The following PKHD1 variants were observed in gnomAD, a reference collection of about 807,000 sequenced individuals.
PKHD1 encodes PKHD1 ciliary IPT domain containing fibrocystin/polyductin.
Under a neutral mutation model 412.0 loss-of-function variants are expected in PKHD1, and 291 were observed. The ratio of observed to expected loss-of-function variants is 0.71; its 90% confidence interval spans 0.64 to 0.78. The LOEUF is 0.78. PKHD1 is among the 30% of genes least tolerant of loss of function. The pLI is 0.00. For synonymous variants in PKHD1, 1,777 were observed against 1,821.5 expected (o/e 0.98, Z 0.62); for missense variants, 4,825 against 4,950.7 (o/e 0.97, Z 0.76).
intron 37 of PKHD1, among the ~76,000 whole-genome samples, chr6:51,931,818 A>AG (rs1561913949): frequency 6.7e-6 from 1 of 149,018 alleles, no homozygotes; most frequent in African/African-American, 2.5e-5. Flanking sequence ...ATATAGGAAA[A>AG]GGGGGAGAGA....
chr6:52,056,672 A>T (rs1252586566), intron 18 of PKHD1, 26 bp downstream of exon 18: 2 of 1,487,230 alleles, frequency 1.3e-6, no homozygotes, highest in Non-Finnish European at 9.4e-7. Flanking sequence ...TGAAAAAGAC[A>T]ATCAGAATGA....
chr6:52,065,075 G>A, intron 12 of PKHD1, 25 bp from the exon 13 acceptor site: 2 of 1,198,738 alleles, frequency 1.7e-6, no homozygotes, highest in Non-Finnish European at 2.4e-6. Flanking sequence ...AGAAATTTAT[G>A]TATGTGTGTG....
intron 60 of PKHD1, among the ~76,000 whole-genome samples, chr6:51,718,519 A>G (rs551360065): frequency 1.3e-5 from 2 of 152,350 alleles, no homozygotes; most frequent in South Asian, 4.1e-4. Context: ...ACATAGAAAT[A>G]TTTAGAATTC....
intron 35 of PKHD1, among the ~76,000 whole-genome samples, chr6:51,990,219 G>A (rs1309086659): frequency 6.6e-6 from 1 of 151,720 alleles, no homozygotes; most frequent in Non-Finnish European, 1.5e-5. Context: ...AAATCATTGG[G>A]AAGGCACTAG....
chr6:51,741,231 T>C (rs1350459105), intron 60 of PKHD1: 1 of 517,664 alleles, frequency 1.9e-6, no homozygotes, highest in African/African-American at 1.9e-5. Flanking sequence ...ATGGAGAATC[T>C]GACTGACATT....
intron 35 of PKHD1, among the ~76,000 whole-genome samples, chr6:52,002,321 T>C (rs2128101014): frequency 6.6e-6 from 1 of 152,320 alleles, no homozygotes; most frequent in African/African-American, 2.4e-5. Context: ...GACAGGGACA[T>C]TGCTGGAATT....
At chr6:51,858,066 T>C (rs1442017441) in intron 48 of PKHD1, among the ~76,000 whole-genome samples, 1 of 152,006 alleles carries the variant, frequency 6.6e-6, no homozygotes, top group Non-Finnish European at 1.5e-5. Flanking sequence ...AATGGACAAT[T>C]CTCAACCTAT....
At chr6:51,972,409 G>T (rs566038674) in intron 35 of PKHD1, among the ~76,000 whole-genome samples, 1 of 152,204 alleles carries the variant, frequency 6.6e-6, no homozygotes, top group Non-Finnish European at 1.5e-5. Flanking sequence ...TTGATAATGT[G>T]CAAGGTTATT....
chr6:51,674,250 C>T (rs1026326854), intron 60 of PKHD1, among the ~76,000 whole-genome samples: 1 of 152,108 alleles, frequency 6.6e-6, no homozygotes, highest in Non-Finnish European at 1.5e-5. Context: ...CTTAGGAGAG[C>T]TGTAGGTACA....
chr6:51,700,084 G>T (rs901441214), intron 60 of PKHD1, among the ~76,000 whole-genome samples: 1 of 151,836 alleles, frequency 6.6e-6, no homozygotes, highest in Non-Finnish European at 1.5e-5. Context: ...CTCATAGGAA[G>T]CATAAATAAA....
intron 60 of PKHD1, among the ~76,000 whole-genome samples, chr6:51,680,674 C>T (rs1052044116): frequency 6.6e-6 from 1 of 151,992 alleles, no homozygotes; most frequent in East Asian, 1.9e-4. Context: ...TTTCCTATTA[C>T]AGACAGCCTG....
chr6:51,700,851 A>T lies in PKHD1; in HGVS notation c.10157-40882T>A, dbSNP rs1779330430. ...AGCAACTCAAAGAGTTCAACTGCTA[A>T]CAAGATTGTTCAGAAATGAAGTCGC... is the stretch of plus-strand genomic sequence containing the variant. On this transcript the variant is annotated intron_variant, in intron 60 of 66. Transcript: ENST00000371117. Among the ~76,000 whole-genome samples the T allele has an allele frequency of 3.9e-5, 6 of 152,270 alleles. No individual in the cohort carries two copies. The South Asian group carries it at 1.2e-3, about 32-fold the overall frequency.
rs181305144 is a variant in PKHD1, at chr6:51,738,588, A to G, written c.10156+5797T>C. ...GCTTCACTATAGTAGTCATTTTACT[A>G]TGTGTAAGAGTATCAAAACATCATG... On this transcript the variant is annotated intron_variant, in intron 60 of 66. Coordinates refer to ENST00000371117, the MANE Select transcript of PKHD1 (RefSeq NM_138694.4). Among the ~76,000 whole-genome samples the G allele has an allele frequency of 4.6e-5, 7 of 152,330 alleles. No homozygotes were observed. The East Asian group carries it at 9.6e-4, about 21-fold the overall frequency.
chr6:52,033,582 C>A (rs1373270325), intron 28 of PKHD1, among the ~76,000 whole-genome samples: 1 of 151,878 alleles, frequency 6.6e-6, no homozygotes, highest in African/African-American at 2.4e-5. Context: ...CTATGACACA[C>A]TCTTTCATAG....
intron 60 of PKHD1, among the ~76,000 whole-genome samples, chr6:51,735,996 C>A (rs1562194383): frequency 6.6e-6 from 1 of 152,100 alleles, no homozygotes; most frequent in Non-Finnish European, 1.5e-5. Flanking sequence ...AGCTTTAGGA[C>A]TTGGACAATT....
Position 51,673,598 on chromosome 6 carries a change from A to G in PKHD1, c.10157-13629T>C, listed in dbSNP as rs149047038. Among the ~76,000 whole-genome samples the G allele has an allele frequency of 4.6e-3, 705 of 152,334 alleles. 5 individuals carry two copies. The highest frequency in any genetic ancestry group is 0.016 in the African/African-American group (667 of 41,582). On this transcript the variant is annotated intron_variant, in intron 60 of 66. Transcript: ENST00000371117. ...AATCACGAAAGAGTTAGGATGAAGAAGAGAACAGTGATCCAGTTTCTTTGG... is the reference window on the plus strand; with the variant it reads ...AATCACGAAAGAGTTAGGATGAAGAGGAGAACAGTGATCCAGTTTCTTTGG...
At chr6:52,069,282 A>G (rs914541781) in intron 11 of PKHD1, among the ~76,000 whole-genome samples, 175 bp downstream of exon 11, 2 of 152,238 alleles carry the variant, frequency 1.3e-5, no homozygotes, top group Admixed American at 6.5e-5. Flanking sequence ...TATATTAACT[A>G]AACCTGACAT....
At chr6:51,954,363 T>C (rs767612369) in intron 36 of PKHD1, among the ~76,000 whole-genome samples, 1 of 152,090 alleles carries the variant, frequency 6.6e-6, no homozygotes, top group Non-Finnish European at 1.5e-5. Context: ...GGTCTGCAAC[T>C]TGCCCAAGGT....
rs1782823487 is a variant in PKHD1, at chr6:51,728,268, C to T, written c.10156+16117G>A. Among the ~76,000 whole-genome samples, 5 of 152,262 alleles carry T rather than the reference C, an allele frequency of 3.3e-5. No homozygotes were observed. In the South Asian group the frequency reaches 8.3e-4, roughly 25 times the overall value. On this transcript the variant is annotated intron_variant, in intron 60 of 66. Transcript: ENST00000371117. ...GTAATTTATAACCTGGCAGGGTCTA[C>T]GATGGCAGCATCCCCTTTGCCAAAT... is the stretch of plus-strand genomic sequence containing the variant.
Sources: gnomAD v4.1 joint callset for allele counts (sites outside exome capture counted in the v4.1 genomes callset) on GRCh38, gnomAD v4.1.1 for gene constraint, MANE v1.5 for transcripts, NCBI Gene and HGNC (gene_info 2026-07-23, HGNC 2026-07-21) for gene names.